GNG12: variants seen among roughly 807,000 people sequenced by gnomAD.
GNG12 encodes the protein G protein subunit gamma 12, also known as guanine nucleotide-binding protein G(I)/G(S)/G(O) subunit gamma-12.
For missense variants in GNG12, 69 were observed against 83.8 expected, an observed-to-expected ratio of 0.82 and a Z score of 0.69; for synonymous variants, 28 against 29.7, an observed-to-expected ratio of 0.94 and a Z score of 0.19.
chr1:67,736,851 G>C (rs74080861), intron 2 of GNG12, among the ~76,000 whole-genome samples: 132 of 152,284 alleles, frequency 8.7e-4, no homozygotes, highest in African/African-American at 3.0e-3. Context: ...AGATGAGAGG[G>C]ACCCACCTCT....
At chr1:67,735,363 G>A (rs1029526886) in intron 2 of GNG12, among the ~76,000 whole-genome samples, 4 of 152,120 alleles carry the variant, frequency 2.6e-5, no homozygotes, top group Admixed American at 6.6e-5. Flanking sequence ...AATATTTTCC[G>A]AGGAACATCT....
At chr1:67,751,180 T>TACAG (rs1208486081) in intron 2 of GNG12, among the ~76,000 whole-genome samples, 2 of 120,272 alleles carry the variant, frequency 1.7e-5, no homozygotes, top group Admixed American at 1.6e-4. Flanking sequence ...TGGATACACA[T>TACAG]ACAGACACAC....
At chr1:67,832,258 A>T (rs2100836782) in intron 1 of GNG12, 1 of 152,310 alleles carries the variant, frequency 6.6e-6, no homozygotes, top group African/African-American at 2.4e-5. Context: ...TGGGCGCAGG[A>T]ACCTCCCTTC....
chr1:67,706,018 C>T (rs1202647429), intron 3 of GNG12, among the ~76,000 whole-genome samples: 1 of 152,164 alleles, frequency 6.6e-6, no homozygotes, highest in Non-Finnish European at 1.5e-5. Flanking sequence ...CTGCAAATAA[C>T]TTTCAAGGGT....
chr1:67,787,696 A>G (rs1437693921), intron 1 of GNG12, among the ~76,000 whole-genome samples: 1 of 152,246 alleles, frequency 6.6e-6, no homozygotes, highest in Non-Finnish European at 1.5e-5. Flanking sequence ...GGAAAAACCA[A>G]TAGCCAGCTA....
At chr1:67,750,821 G>C (rs143978130) in intron 2 of GNG12, among the ~76,000 whole-genome samples, 1 of 152,216 alleles carries the variant, frequency 6.6e-6, no homozygotes, top group East Asian at 1.9e-4. Flanking sequence ...TATATGTGCA[G>C]GATAAACTCT....
At chr1:67,742,210 A>G (rs12117928) in intron 2 of GNG12, among the ~76,000 whole-genome samples, 11,265 of 152,248 alleles carry the variant, frequency 0.074, 444 homozygotes, top group African/African-American at 0.087. Context: ...ACATTCACAA[A>G]AAGACTCATC....
chr1:67,796,297 A>G (rs1433780011), intron 1 of GNG12, among the ~76,000 whole-genome samples: 6 of 152,188 alleles, frequency 3.9e-5, no homozygotes, highest in Admixed American at 3.3e-4. Flanking sequence ...GCACATTCAG[A>G]TAACCCAGTC....
intron 1 of GNG12, among the ~76,000 whole-genome samples, chr1:67,787,880 G>T (rs1295106652): frequency 6.6e-6 from 1 of 152,136 alleles, no homozygotes; most frequent in Non-Finnish European, 1.5e-5. Flanking sequence ...ATCTTGCTTT[G>T]CCTGGGACTT....
At chr1:67,709,976 A>T (rs1441477771) in intron 2 of GNG12, among the ~76,000 whole-genome samples, 35 of 15,836 alleles carry the variant, frequency 2.2e-3, no homozygotes, top group African/African-American at 6.9e-3. Flanking sequence ...ATATATAGTT[A>T]TATATATATA....
intron 2 of GNG12, among the ~76,000 whole-genome samples, chr1:67,772,392 G>C (rs1338801851): frequency 1.3e-5 from 2 of 152,076 alleles, no homozygotes; most frequent in East Asian, 3.9e-4. Context: ...ACCTGAAGTA[G>C]GTAGTCAATG....
chr1:67,785,147 A>T (rs550122248), intron 1 of GNG12, among the ~76,000 whole-genome samples: 1 of 152,230 alleles, frequency 6.6e-6, no homozygotes, highest in South Asian at 2.1e-4. Flanking sequence ...CCAATTCTAT[A>T]TTGTTTCCTA....
At chr1:67,754,732 C>A (rs1012755642) in intron 2 of GNG12, among the ~76,000 whole-genome samples, 4 of 152,216 alleles carry the variant, frequency 2.6e-5, no homozygotes, top group African/African-American at 9.6e-5. Flanking sequence ...CCGTCTCTCC[C>A]ATCAGGATAC....
At chr1:67,775,319 T>C (rs1646698677) in intron 2 of GNG12, among the ~76,000 whole-genome samples, 1 of 152,248 alleles carries the variant, frequency 6.6e-6, no homozygotes, top group Non-Finnish European at 1.5e-5. Flanking sequence ...TGTATAAATT[T>C]CTTGTTCTTC....
chr1:67,793,226 A>C (rs969622990), intron 1 of GNG12, among the ~76,000 whole-genome samples: 3 of 152,220 alleles, frequency 2.0e-5, no homozygotes, highest in African/African-American at 7.2e-5. Context: ...TTTGAGAAAT[A>C]AGTCAGACTC....
chr1:67,801,855 C>T (rs1196598809), intron 1 of GNG12, among the ~76,000 whole-genome samples: 3 of 150,128 alleles, frequency 2.0e-5, no homozygotes, highest in Non-Finnish European at 4.4e-5. Context: ...AAAATGTATA[C>T]AAGACAACCA....
intron 2 of GNG12, among the ~76,000 whole-genome samples, chr1:67,762,816 T>C (rs74080879): frequency 0.013 from 1,945 of 152,286 alleles, 30 homozygotes; most frequent in African/African-American, 0.034. Context: ...TAATATTTTC[T>C]TGGGAGTTTT....
At chr1:67,760,336 T>C (rs77484798) in intron 2 of GNG12, among the ~76,000 whole-genome samples, 1,545 of 152,282 alleles carry the variant, frequency 0.01, 29 homozygotes, top group African/African-American at 0.033. Context: ...CCAATAACTG[T>C]ATAAGCTCAC....
chr1:67,770,456 C>A (rs1160879125), intron 2 of GNG12, among the ~76,000 whole-genome samples: 2 of 152,116 alleles, frequency 1.3e-5, no homozygotes, highest in Non-Finnish European at 2.9e-5. Flanking sequence ...CCCCTTGCCC[C>A]ATGGTGGAGG....
Sources: allele counts gnomAD v4.1 joint callset (sites outside exome capture counted in the v4.1 genomes callset), GRCh38; gene constraint gnomAD v4.1.1; transcripts MANE v1.5; gene names NCBI Gene and HGNC (gene_info 2026-07-23, HGNC 2026-07-21).